The following GPC5 variants were observed in gnomAD, a reference collection of about 807,000 sequenced individuals.
GPC5 encodes the protein glypican-5.
Under a neutral mutation model 53.9 loss-of-function variants are expected in GPC5, and 47 were observed. The observed-to-expected ratio is 0.87, with a 90% CI of 0.69 to 1.11. GPC5 has a LOEUF of 1.11. Among genes scored for constraint, GPC5 ranks in the 50% most tolerant of loss-of-function variants. The probability of loss-of-function intolerance (pLI) is 0.00; values close to 1 mark genes in which losing one functional copy is unlikely to be tolerated. For synonymous variants in GPC5, 286 were observed against 263.3 expected, an observed-to-expected ratio of 1.09 and a Z score of -0.84; for missense variants, 748 against 713.1, an observed-to-expected ratio of 1.05 and a Z score of -0.56.
Position 92,537,591 on chromosome 13 carries a change from T to G in GPC5, c.1562-328691T>G, listed in dbSNP as rs78605135. On this transcript the variant is annotated intron_variant, in intron 7 of 7. Transcript: ENST00000377067. ...TATCATCATCTCCCTGATTGCCTAA[T>G]ATAAGTTTACAACCAGTCTCCTAGG... Among the ~76,000 whole-genome samples the G allele has an allele frequency of 9.3e-3, 1,419 of 152,250 alleles. 25 individuals carry two copies. Among genetic ancestry groups the G allele is most frequent in the African/African-American group, 0.032 (1,317 of 41,560 alleles).
chr13:91,716,124 T>C (rs1403829042), intron 3 of GPC5, among the ~76,000 whole-genome samples: 3 of 152,106 alleles, frequency 2.0e-5, no homozygotes, highest in Non-Finnish European at 2.9e-5. Flanking sequence ...ATAAAAACTA[T>C]ATAACATACT....
At chr13:92,383,000 CTCAA>C (rs1566566065) in intron 7 of GPC5, among the ~76,000 whole-genome samples, 3 of 68,184 alleles carry the variant, frequency 4.4e-5, no homozygotes, top group African/African-American at 2.2e-4. Flanking sequence ...AAGACTCCGT[CTCAA>C]AAAAAAAAAA....
chr13:92,148,310 T>C (rs985980989), intron 7 of GPC5, among the ~76,000 whole-genome samples: 1 of 152,106 alleles, frequency 6.6e-6, no homozygotes, highest in Admixed American at 6.6e-5. Context: ...TTCATGTTTA[T>C]ATCAGATGAC....
At chr13:92,768,763 C>T (rs970786771) in intron 7 of GPC5, among the ~76,000 whole-genome samples, 2 of 151,468 alleles carry the variant, frequency 1.3e-5, no homozygotes, top group Non-Finnish European at 2.9e-5. Context: ...ATTCTCATCA[C>T]CAGAACCCTG....
chr13:92,199,299 C>T (rs2042278337), intron 7 of GPC5, among the ~76,000 whole-genome samples: 1 of 152,182 alleles, frequency 6.6e-6, no homozygotes, highest in African/African-American at 2.4e-5. Context: ...TCTAGCCTGA[C>T]CCACTCAATA....
chr13:92,405,462 G>A (rs1759296998), intron 7 of GPC5, among the ~76,000 whole-genome samples: 1 of 152,072 alleles, frequency 6.6e-6, no homozygotes, highest in African/African-American at 2.4e-5. Flanking sequence ...TTTATTAGAG[G>A]ACTTGCTGTA....
chr13:91,773,479 A>C (rs970855794), intron 5 of GPC5, among the ~76,000 whole-genome samples: 1 of 152,184 alleles, frequency 6.6e-6, no homozygotes, highest in Non-Finnish European at 1.5e-5. Flanking sequence ...AGGAAAATTC[A>C]TGGTTTATTA....
At chr13:92,354,753 C>A (rs1233533156) in intron 7 of GPC5, among the ~76,000 whole-genome samples, 1 of 152,036 alleles carries the variant, frequency 6.6e-6, no homozygotes, top group Non-Finnish European at 1.5e-5. Context: ...AAAAGCCAGC[C>A]ATGCAAAAAA....
At chr13:91,500,306 A>T (rs892522285) in intron 2 of GPC5, among the ~76,000 whole-genome samples, 3 of 152,218 alleles carry the variant, frequency 2.0e-5, no homozygotes, top group Admixed American at 2.0e-4. Context: ...GAAGTAATGA[A>T]TGTATAGAAA....
At chr13:92,349,333 T>C (rs566095551) in intron 7 of GPC5, among the ~76,000 whole-genome samples, 51 of 152,126 alleles carry the variant, frequency 3.4e-4, no homozygotes, top group African/African-American at 1.2e-3. Flanking sequence ...TTAGTAGAGA[T>C]AGGGTTTCTC....
At chr13:91,864,948 A>G (rs1417844773) in intron 5 of GPC5, among the ~76,000 whole-genome samples, 1 of 149,494 alleles carries the variant, frequency 6.7e-6, no homozygotes, top group Non-Finnish European at 1.5e-5. Context: ...TCTATCACCC[A>G]GGCTGGAGTG....
chr13:91,827,472 T>G (rs2038592770), intron 5 of GPC5, among the ~76,000 whole-genome samples: 1 of 151,690 alleles, frequency 6.6e-6, no homozygotes, highest in African/African-American at 2.4e-5. Flanking sequence ...AATTTAATTA[T>G]TAAAAGACAA....
intron 1 of GPC5, among the ~76,000 whole-genome samples, chr13:91,410,495 G>C (rs770604935): frequency 6.8e-6 from 1 of 146,540 alleles, no homozygotes; most frequent in Non-Finnish European, 1.5e-5. Flanking sequence ...ACAGGCACCC[G>C]CCACCACACC....
At chr13:92,019,892 C>A (rs891763305) in intron 6 of GPC5, among the ~76,000 whole-genome samples, 7 of 151,974 alleles carry the variant, frequency 4.6e-5, no homozygotes, top group Admixed American at 3.3e-4. Context: ...TAACAAATTG[C>A]CACTAACATG....
chr13:92,198,618 G>C, intron 7 of GPC5, among the ~76,000 whole-genome samples: 1 of 152,264 alleles, frequency 6.6e-6, no homozygotes, highest in East Asian at 1.9e-4. Flanking sequence ...CATTGCTCCC[G>C]TCAAGACTGA....
intron 7 of GPC5, among the ~76,000 whole-genome samples, chr13:92,167,915 T>C (rs115642032): frequency 0.012 from 1,893 of 151,458 alleles, 33 homozygotes; most frequent in African/African-American, 0.044. Context: ...CTGGAAGGCC[T>C]GTAAGTAGAA....
At chr13:92,640,931 A>G (rs1885575120) in intron 7 of GPC5, among the ~76,000 whole-genome samples, 1 of 151,710 alleles carries the variant, frequency 6.6e-6, no homozygotes, top group Admixed American at 6.6e-5. Context: ...CGTTACTTTC[A>G]ATTAGTGTGC....
At chr13:91,815,288 G>A (rs559831165) in intron 5 of GPC5, among the ~76,000 whole-genome samples, 2 of 152,022 alleles carry the variant, frequency 1.3e-5, no homozygotes, top group Admixed American at 1.3e-4. Context: ...CAGGAACACT[G>A]AGCCCAGGAG....
At chr13:91,790,046 C>T (rs1354172786) in intron 5 of GPC5, among the ~76,000 whole-genome samples, 1 of 152,184 alleles carries the variant, frequency 6.6e-6, no homozygotes, top group African/African-American at 2.4e-5. Flanking sequence ...AAGACTTAAT[C>T]ATCTTAAAGG....
Sources: gnomAD v4.1 joint callset for allele counts (sites outside exome capture counted in the v4.1 genomes callset) on GRCh38, gnomAD v4.1.1 for gene constraint, MANE v1.5 for transcripts, NCBI Gene and HGNC (gene_info 2026-07-23, HGNC 2026-07-21) for gene names.